Variants in PTPN4 observed in about 807,000 individuals in gnomAD.
PTPN4 encodes protein tyrosine phosphatase non-receptor type 4.
In PTPN4, 49 loss-of-function variants were observed where a neutral mutation model predicts 135.5. That is an observed-to-expected ratio of 0.36 (90% CI 0.29 to 0.46). PTPN4 has a LOEUF of 0.46. PTPN4 is among the 20% of genes least tolerant of loss of function. The probability of loss-of-function intolerance (pLI) is 1.00; values close to 1 mark genes in which losing one functional copy is unlikely to be tolerated. For missense variants in PTPN4, 860 were observed against 1,101.0 expected (o/e 0.78, Z 3.10); for synonymous variants, 333 against 369.9 (o/e 0.90, Z 1.14).
intron 2 of PTPN4, among the ~76,000 whole-genome samples, chr2:119,851,919 A>T (rs549179336): frequency 1.1e-3 from 160 of 152,240 alleles, no homozygotes; most frequent in African/African-American, 3.8e-3. Context: ...TGCCTGCCTA[A>T]CTACCTGTAA....
intron 10 of PTPN4, among the ~76,000 whole-genome samples, chr2:119,901,554 T>C (rs1048239269): frequency 6.6e-6 from 1 of 152,162 alleles, no homozygotes; most frequent in Non-Finnish European, 1.5e-5. Context: ...TTTTACCCAG[T>C]ATATCATATC....
intron 2 of PTPN4, among the ~76,000 whole-genome samples, chr2:119,819,433 C>A (rs1677034337): frequency 6.6e-6 from 1 of 152,152 alleles, no homozygotes; most frequent in Non-Finnish European, 1.5e-5. Flanking sequence ...ATTATATAAT[C>A]AGTGAATTTT....
intron 10 of PTPN4, among the ~76,000 whole-genome samples, chr2:119,907,251 A>C (rs1173730976): frequency 2.6e-5 from 4 of 152,206 alleles, no homozygotes; most frequent in Non-Finnish European, 5.9e-5. Flanking sequence ...ATTCAATGCA[A>C]CATCTGTCAA....
intron 1 of PTPN4, among the ~76,000 whole-genome samples, chr2:119,775,812 TC>T (rs1238788703): frequency 6.8e-6 from 1 of 146,766 alleles, no homozygotes; most frequent in Non-Finnish European, 1.5e-5. Context: ...GATATCTATA[TC>T]TATATCTATA....
intron 3 of PTPN4, among the ~76,000 whole-genome samples, chr2:119,864,718 T>C (rs911526532): frequency 1.3e-5 from 2 of 152,184 alleles, no homozygotes; most frequent in African/African-American, 2.4e-5. Context: ...AGACATATCA[T>C]ATACAAAAAG....
intron 1 of PTPN4, among the ~76,000 whole-genome samples, chr2:119,795,217 G>A (rs1164126782): frequency 1.3e-5 from 2 of 152,142 alleles, no homozygotes. Context: ...TGGACGGACT[G>A]GAAAAGGCAC....
chr2:119,868,006 T>C (rs1677857767), intron 3 of PTPN4, among the ~76,000 whole-genome samples: 1 of 152,210 alleles, frequency 6.6e-6, no homozygotes, highest in Admixed American at 6.5e-5. Flanking sequence ...TTCCTGATCT[T>C]AGAGGAAAAT....
intron 2 of PTPN4, among the ~76,000 whole-genome samples, chr2:119,824,213 C>T (rs1468978018): frequency 6.6e-6 from 1 of 151,956 alleles, no homozygotes; most frequent in Non-Finnish European, 1.5e-5. Context: ...GTTTTAAGGG[C>T]CAGAATATGA....
chr2:119,963,946 A>G (rs902453235), intron 24 of PTPN4, among the ~76,000 whole-genome samples: 25 of 152,320 alleles, frequency 1.6e-4, no homozygotes, highest in African/African-American at 4.6e-4. Flanking sequence ...CCCTGAGTAC[A>G]TTAGAACTAA....
At chr2:119,962,954 CTAAA>C (rs1184564141) in intron 24 of PTPN4, among the ~76,000 whole-genome samples, 1 of 151,988 alleles carries the variant, frequency 6.6e-6, no homozygotes, top group Admixed American at 6.6e-5. Context: ...GTTTCTATGA[CTAAA>C]TATGAATGGT....
rs1558719000 is a variant in PTPN4, at chr2:119,766,484, CT to C, written c.-18+6101del. ...TGTGTGTGTGTGTGTGTGTGTGTGT[CT>C]GTGTGTGTGTGTGTGTGTGTGTGTG... On this transcript the variant is annotated intron_variant, in intron 1 of 26. Coordinates refer to ENST00000263708, the MANE Select transcript of PTPN4 (RefSeq NM_002830.4). 9.0e-3 allele frequency among the ~76,000 whole-genome samples: 940 copies of C among 103,874 alleles called. 16 individuals are homozygous for C. Among genetic ancestry groups the C allele is most frequent in the African/African-American group, 0.038 (870 of 23,188 alleles). The allele number at this position is 103,874 out of a possible 152,430, so 68.1% of individuals were successfully genotyped here.
At position 119,946,114 on chromosome 2, in the gene PTPN4, A is replaced by G. The variant is rs567238562; in HGVS notation, c.1516-227A>G. Among the ~76,000 whole-genome samples the G allele has an allele frequency of 3.9e-5, 6 of 152,244 alleles. No homozygotes were observed. In the South Asian group the frequency reaches 1.2e-3, roughly 32 times the overall value. ...TGGCCCCTGTTCCTCCTGTCACTTA[A>G]TAGTCTAGCATATGCTCGTAAGAAT... On this transcript the variant is annotated intron_variant, in intron 16 of 26. Transcript: ENST00000263708.
intron 9 of PTPN4, among the ~76,000 whole-genome samples, chr2:119,897,593 A>G (rs1359940816): frequency 6.6e-6 from 1 of 152,364 alleles, no homozygotes; most frequent in East Asian, 1.9e-4. Flanking sequence ...TATAATTACC[A>G]TATCAGTTAT....
intron 1 of PTPN4, among the ~76,000 whole-genome samples, chr2:119,776,251 C>T (rs1690834180): frequency 6.6e-6 from 1 of 152,192 alleles, no homozygotes; most frequent in South Asian, 2.1e-4. Flanking sequence ...TCTTGGCTCA[C>T]TGCAAGCTAC....
At chr2:119,938,783 G>C (rs776494646) in intron 15 of PTPN4, among the ~76,000 whole-genome samples, 20 of 151,822 alleles carry the variant, frequency 1.3e-4, no homozygotes, top group Non-Finnish European at 2.6e-4. Flanking sequence ...ATGCTTATTA[G>C]CATTTATCTG....
chr2:119,772,736 A>T (rs1214083362), intron 1 of PTPN4, among the ~76,000 whole-genome samples: 1 of 151,980 alleles, frequency 6.6e-6, no homozygotes, highest in African/African-American at 2.4e-5. Flanking sequence ...ACGGGGTTTC[A>T]CTGTGTTGGC....
At chr2:119,941,780 G>T (rs553307972) in intron 15 of PTPN4, among the ~76,000 whole-genome samples, 19 of 152,148 alleles carry the variant, frequency 1.2e-4, no homozygotes, top group African/African-American at 4.6e-4. Flanking sequence ...TTATACTTGG[G>T]CTCTTTTCCT....
At chr2:119,838,283 T>C (rs971303473) in intron 2 of PTPN4, among the ~76,000 whole-genome samples, 10 of 152,026 alleles carry the variant, frequency 6.6e-5, no homozygotes, top group African/African-American at 2.4e-4. Flanking sequence ...ATGTACCAGG[T>C]GTAGCCTGCC....
chr2:119,807,690 A>G (rs545894158), intron 1 of PTPN4, among the ~76,000 whole-genome samples: 50 of 152,330 alleles, frequency 3.3e-4, no homozygotes, highest in South Asian at 8.3e-4. Context: ...ATTCCAATCA[A>G]TAGAAAAAGA....
Sources: allele counts gnomAD v4.1 joint callset (sites outside exome capture counted in the v4.1 genomes callset), GRCh38; gene constraint gnomAD v4.1.1; transcripts MANE v1.5; gene names NCBI Gene and HGNC (gene_info 2026-07-23, HGNC 2026-07-21).